Variants in ELMOD2 observed in about 807,000 individuals in gnomAD.
ELMOD2 encodes ELMO domain containing 2.
Under a neutral mutation model 41.0 loss-of-function variants are expected in ELMOD2, and 28 were observed. The ratio of observed to expected loss-of-function variants is 0.68; its 90% CI spans 0.51 to 0.94. The LOEUF (loss-of-function observed/expected upper bound fraction) is 0.94. Among genes scored for constraint, ELMOD2 ranks in the 40% least tolerant of loss-of-function variants. The probability of loss-of-function intolerance (pLI) is 0.00; values close to 1 mark genes in which losing one functional copy is unlikely to be tolerated. For missense variants in ELMOD2, 333 were observed against 343.1 expected, an observed-to-expected ratio of 0.97 and a Z score of 0.23; for synonymous variants, 106 against 107.2, an observed-to-expected ratio of 0.99 and a Z score of 0.07.
chr4:140,546,633 A>G (rs1043269340), intron 8 of ELMOD2, among the ~76,000 whole-genome samples: 2 of 151,894 alleles, frequency 1.3e-5, no homozygotes, highest in Non-Finnish European at 2.9e-5. Flanking sequence ...AGAATTTGAA[A>G]ACTCCCCAAA....
At chr4:140,550,087 G>T in intron 8 of ELMOD2, 143 bp from the exon 9 acceptor site, 1 of 679,436 alleles carries the variant, frequency 1.5e-6, no homozygotes, top group Non-Finnish European at 2.4e-6. Flanking sequence ...AGTCCCTCAG[G>T]CTTCTAATAG....
In ELMOD2 at chr4:140,550,540, C is replaced by T. The variant is rs1735441636; in HGVS notation, c.*165C>T. On this transcript the variant is annotated 3_prime_UTR_variant, in exon 9 of 9. Coordinates refer to ENST00000323570, the MANE Select transcript of ELMOD2 (RefSeq NM_153702.4). ...CTAGTGGACAATCAGTGTATGTTTA[C>T]AATTGTTTATACACTGTTCTCCAAA... 1.5e-6 allele frequency: 1 copy of T among 676,486 alleles called. No homozygotes were observed. Among genetic ancestry groups the T allele is most frequent in the Non-Finnish European group, 2.3e-6 (1 of 442,200 alleles). The allele number at this position is 676,486 out of a possible 1,614,324, so 41.9% of individuals were successfully genotyped here.
At chr4:140,525,974 A>T (rs1734550369) in intron 2 of ELMOD2, among the ~76,000 whole-genome samples, 1 of 152,150 alleles carries the variant, frequency 6.6e-6, no homozygotes, top group Non-Finnish European at 1.5e-5. Context: ...ACTGTTACTT[A>T]TGAAAGGCCT....
chr4:140,540,408 A>C, intron 6 of ELMOD2, 107 bp downstream of exon 6: 5 of 1,399,338 alleles, frequency 3.6e-6, no homozygotes, highest in Non-Finnish European at 4.9e-6. Context: ...CTATCTCTGA[A>C]TTTTAATAAC....
At chr4:140,524,687 G>C (rs1734498919) in intron 1 of ELMOD2, 2 of 982,086 alleles carry the variant, frequency 2.0e-6, no homozygotes, top group Admixed American at 6.1e-5. Context: ...GAATGTTTAA[G>C]GCAGGAAGGA....
At position 140,552,711 on chromosome 4, in the gene ELMOD2, A is replaced by G. The variant is rs774040843; in HGVS notation, c.*2336A>G. On this transcript the variant is annotated 3_prime_UTR_variant, in exon 9 of 9. Coordinates refer to ENST00000323570, the MANE Select transcript of ELMOD2 (RefSeq NM_153702.4). The stretch of plus-strand genomic sequence containing the variant: ...TAAAATGCCAAAGTAGTGATAGAAT[A>G]TTGTGGCATTGAAGTAGCCGAAAAA... 7 of 152,138 alleles carry G rather than the reference A, an allele frequency of 4.6e-5. No individual in the cohort carries two copies. Among genetic ancestry groups the G allele is most frequent in the Non-Finnish European group, 1.0e-4 (7 of 67,976 alleles). 9.4% of individuals were successfully genotyped at this position (152,138 alleles called of 1,614,324 possible).
At position 140,527,533 on chromosome 4, in the gene ELMOD2, C is replaced by T. The variant is rs182294627; in HGVS notation, c.171+39C>T. 2.1e-4 allele frequency: 316 copies of T among 1,507,904 alleles called. 2 individuals carry two copies. The highest frequency in any genetic ancestry group is 1.0e-3 in the Admixed American group (44 of 42,080). The allele number at this position is 1,507,904 out of a possible 1,614,324, so 93.4% of individuals were successfully genotyped here. On this transcript the variant is annotated intron_variant, in intron 3 of 8. Transcript: ENST00000323570. ...AAGGTGGTAACTCTAGAAAACTTAACGTGGACATATTTTTTCTTAAAAAAA... is the reference window on the plus strand; with the variant it reads ...AAGGTGGTAACTCTAGAAAACTTAATGTGGACATATTTTTTCTTAAAAAAA...
At chr4:140,540,101 G>A in intron 5 of ELMOD2, 67 bp from the exon 6 acceptor site, 1 of 1,526,940 alleles carries the variant, frequency 6.5e-7, no homozygotes, top group Non-Finnish European at 8.9e-7. Flanking sequence ...TTATTTGATA[G>A]CATTAAATTA....
In ELMOD2 at chr4:140,531,261, A is replaced by G. The variant is rs777248322; in HGVS notation, c.171+3767A>G. Among the ~76,000 whole-genome samples, 91 of 152,194 alleles carry G rather than the reference A, an allele frequency of 6.0e-4. 4 individuals are homozygous for G. Among genetic ancestry groups the G allele is most frequent in the Non-Finnish European group, 2.2e-4 (15 of 68,022 alleles). ...ATCATGTTGGACTGTGCACTGTTCC[A>G]CAGTGTGCATTCTTTCTTTGTTAAA... On this transcript the variant is annotated intron_variant, in intron 3 of 8. Transcript: ENST00000323570.
rs746819319 is a variant in ELMOD2, at chr4:140,540,208, G to C, written c.440G>C (p.Arg147Thr). 12 of 1,614,048 alleles carry C rather than the reference G, an allele frequency of 7.4e-6. No homozygotes were observed. The highest frequency in any genetic ancestry group is 9.3e-6 in the Non-Finnish European group (11 of 1,180,028). The change falls in exon 6 of 9, where the codon AGA becomes ACA. Residue 147 changes from arginine (R) to threonine (T), a missense_variant. Transcript: ENST00000323570. ...LLMPTKKLNA[R>T]ISKQWAEIGF... ...ATGCCCACGAAGAAGTTAAACGCTA[G>C]AATCTCCAAGCAGTGGGCTGAAATT...
chr4:140,527,374 C>T (rs1323052523), intron 2 of ELMOD2, 92 bp from the exon 3 acceptor site: 1 of 970,934 alleles, frequency 1.0e-6, no homozygotes, highest in Admixed American at 2.3e-5. Flanking sequence ...TAGTTTGTTA[C>T]TGGTTTGATA....
chr4:140,541,683 T>C (rs1735110190), intron 6 of ELMOD2, among the ~76,000 whole-genome samples: 1 of 152,098 alleles, frequency 6.6e-6, no homozygotes, highest in African/African-American at 2.4e-5. Flanking sequence ...AAGTCCATAA[T>C]GTAAGATGGT....
At chr4:140,526,281 T>C (rs1734559422) in intron 2 of ELMOD2, among the ~76,000 whole-genome samples, 1 of 152,248 alleles carries the variant, frequency 6.6e-6, no homozygotes, top group Non-Finnish European at 1.5e-5. Context: ...TACAGAATTT[T>C]AAAGTACACA....
intron 3 of ELMOD2, among the ~76,000 whole-genome samples, chr4:140,535,133 TTCTTTCTCTCTCTCTCTCTCTC>T (rs1323328563): frequency 1.3e-5 from 1 of 74,336 alleles, no homozygotes; most frequent in Non-Finnish European, 3.0e-5. Flanking sequence ...GGAAATCTGT[TTCTTTCTCTCTCTCTCTCTCTC>T]TCTCTCTCTC....
chr4:140,537,657 T>G, intron 5 of ELMOD2, 116 bp downstream of exon 5: 1 of 1,251,100 alleles, frequency 8.0e-7, no homozygotes, highest in Non-Finnish European at 1.1e-6. Context: ...ATATGGTTTC[T>G]TTGCCCTTAG....
chr4:140,531,167 G>A (rs1734733545), intron 3 of ELMOD2, among the ~76,000 whole-genome samples: 1 of 152,140 alleles, frequency 6.6e-6, no homozygotes, highest in Non-Finnish European at 1.5e-5. Flanking sequence ...CATTACCAAT[G>A]ATTGCTGTGA....
At chr4:140,539,651 G>A (rs980744154) in intron 5 of ELMOD2, among the ~76,000 whole-genome samples, 1 of 151,952 alleles carries the variant, frequency 6.6e-6, no homozygotes, top group African/African-American at 2.4e-5. Context: ...CAGCTTGATA[G>A]TTTTTCTTAA....
chr4:140,525,297 TCAAAA>T (rs1170024753), intron 1 of ELMOD2, 118 bp from the exon 2 acceptor site: 30 of 1,100,618 alleles, frequency 2.7e-5, no homozygotes, highest in Non-Finnish European at 3.6e-5. Context: ...AATTAAACTG[TCAAAA>T]CAGACACAAT....
At position 140,525,511 on chromosome 4, in the gene ELMOD2, AGT is replaced by A. The variant is rs1317225948; in HGVS notation, c.87_88del (p.Cys29Ter). On this transcript the variant is annotated frameshift_variant, in exon 2 of 9. Coordinates refer to ENST00000323570, the MANE Select transcript of ELMOD2 (RefSeq NM_153702.4). LOFTEE classifies it high-confidence loss of function. ...TGGCTATTACGACAGATGACTGGGAAGTGTGAATTGCAGCGAATATTTGATAC... is the reference window on the plus strand; with the variant it reads ...TGGCTATTACGACAGATGACTGGGAAGTGAATTGCAGCGAATATTTGATAC... The A allele has an allele frequency of 1.2e-6, 2 of 1,614,034 alleles. No homozygotes were observed. Among genetic ancestry groups the A allele is most frequent in the Non-Finnish European group, 1.7e-6 (2 of 1,179,962 alleles).
Sources: allele counts gnomAD v4.1 joint callset (sites outside exome capture counted in the v4.1 genomes callset), GRCh38; gene constraint gnomAD v4.1.1; transcripts MANE v1.5; gene names NCBI Gene and HGNC (gene_info 2026-07-23, HGNC 2026-07-21).